The following PXDNL variants were observed in gnomAD, a reference collection of about 807,000 sequenced individuals.
The protein encoded by PXDNL is peroxidasin like.
In PXDNL, 145 loss-of-function variants were observed where a neutral mutation model predicts 150.8. The ratio of observed to expected loss-of-function variants is 0.96; its 90% CI spans 0.84 to 1.10. The LOEUF is 1.10. PXDNL is among the 50% of genes least tolerant of loss of function. The pLI is 0.00. For missense variants in PXDNL, 2,087 were observed against 1,873.9 expected (o/e 1.11, Z -2.10); for synonymous variants, 757 against 725.7 (o/e 1.04, Z -0.69).
chr8:51,676,260 G>C (rs1013693598), intron 1 of PXDNL, among the ~76,000 whole-genome samples: 21 of 151,654 alleles, frequency 1.4e-4, no homozygotes, highest in Non-Finnish European at 2.6e-4. Context: ...CATTTTCTCT[G>C]TGGTTCTCCC....
chr8:51,328,630 G>T (rs7010098), intron 21 of PXDNL, among the ~76,000 whole-genome samples: 1 of 152,056 alleles, frequency 6.6e-6, no homozygotes, highest in Non-Finnish European at 1.5e-5. Flanking sequence ...GTAACTTCCC[G>T]AACTAAAATG....
intron 1 of PXDNL, among the ~76,000 whole-genome samples, chr8:51,667,674 A>G (rs567415469): frequency 1.3e-5 from 2 of 152,334 alleles, no homozygotes; most frequent in African/African-American, 2.4e-5. Flanking sequence ...AGAGAAATCA[A>G]TGTGCCAAGA....
intron 8 of PXDNL, among the ~76,000 whole-genome samples, chr8:51,460,666 G>C: frequency 6.6e-6 from 1 of 151,616 alleles, no homozygotes; most frequent in East Asian, 1.9e-4. Flanking sequence ...GGTGAGTGAA[G>C]GAAACTGCAG....
At chr8:51,541,980 T>C (rs184884529) in intron 4 of PXDNL, among the ~76,000 whole-genome samples, 6 of 152,340 alleles carry the variant, frequency 3.9e-5, no homozygotes, top group Admixed American at 3.9e-4. Context: ...TATAATTCAG[T>C]GAAAACTCTC....
chr8:51,565,344 A>T (rs1426752088), intron 3 of PXDNL, among the ~76,000 whole-genome samples: 4 of 151,400 alleles, frequency 2.6e-5, no homozygotes, highest in Non-Finnish European at 5.9e-5. Context: ...ATAGATAGAT[A>T]AATAAATAAA....
chr8:51,579,743 C>T (rs777181521), intron 3 of PXDNL, among the ~76,000 whole-genome samples: 28 of 152,032 alleles, frequency 1.8e-4, no homozygotes, highest in Middle Eastern at 3.4e-3. Context: ...AATAGGTGAA[C>T]GGTTAAACAA....
At chr8:51,689,075 C>T (rs1815935098) in intron 1 of PXDNL, among the ~76,000 whole-genome samples, 1 of 152,200 alleles carries the variant, frequency 6.6e-6, no homozygotes, top group Non-Finnish European at 1.5e-5. Context: ...AACAGGCGCA[C>T]TCCTGGGGCT....
At chr8:51,613,804 G>C (rs552733680) in intron 2 of PXDNL, among the ~76,000 whole-genome samples, 1 of 152,226 alleles carries the variant, frequency 6.6e-6, no homozygotes, top group South Asian at 2.1e-4. Flanking sequence ...CTTACATCAA[G>C]GGAGCAAGCA....
intron 1 of PXDNL, among the ~76,000 whole-genome samples, chr8:51,761,295 T>A (rs868518303): frequency 1.3e-5 from 2 of 152,082 alleles, no homozygotes; most frequent in South Asian, 2.1e-4. Context: ...TGAAGAACAT[T>A]TCCTAGAAGC....
At chr8:51,424,524 T>TTA (rs59447579) in intron 13 of PXDNL, among the ~76,000 whole-genome samples, 24,220 of 150,252 alleles carry the variant, frequency 0.16, 2,021 homozygotes, top group Middle Eastern at 0.25. Context: ...GATATGTGTA[T>TTA]TATATATATA....
At chr8:51,394,994 G>C (rs1808036020) in intron 17 of PXDNL, among the ~76,000 whole-genome samples, 1 of 152,156 alleles carries the variant, frequency 6.6e-6, no homozygotes, top group South Asian at 2.1e-4. Context: ...AGCACATTCA[G>C]CAACCCCATG....
chr8:51,735,500 T>A (rs995860855), intron 1 of PXDNL, among the ~76,000 whole-genome samples: 31 of 147,670 alleles, frequency 2.1e-4, no homozygotes, highest in Admixed American at 1.2e-3. Flanking sequence ...AATAAATAAA[T>A]AAAATTAATT....
At chr8:51,750,264 C>T (rs2037030890) in intron 1 of PXDNL, among the ~76,000 whole-genome samples, 1 of 152,072 alleles carries the variant, frequency 6.6e-6, no homozygotes, top group African/African-American at 2.4e-5. Context: ...TGCACAAGGT[C>T]AGGATCATCA....
intron 1 of PXDNL, among the ~76,000 whole-genome samples, chr8:51,780,072 G>T (rs142117650): frequency 6.6e-6 from 1 of 152,108 alleles, no homozygotes; most frequent in Non-Finnish European, 1.5e-5. Flanking sequence ...TTAGCTGGGC[G>T]TGATGGCAGG....
intron 2 of PXDNL, among the ~76,000 whole-genome samples, chr8:51,610,827 C>T (rs780123458): frequency 6.6e-6 from 1 of 152,186 alleles, no homozygotes; most frequent in Non-Finnish European, 1.5e-5. Flanking sequence ...TCATGGCATA[C>T]TCTGTTTCTT....
At chr8:51,652,192 G>C (rs1027104267) in intron 2 of PXDNL, among the ~76,000 whole-genome samples, 1 of 151,930 alleles carries the variant, frequency 6.6e-6, no homozygotes, top group Non-Finnish European at 1.5e-5. Context: ...GAGCCATATG[G>C]TCAAAATTTT....
Position 51,620,547 on chromosome 8 carries a change from CT to C in PXDNL, c.237-27850del, listed in dbSNP as rs1222556097. On this transcript the variant is annotated intron_variant, in intron 2 of 22. Transcript: ENST00000356297. Reference sequence around the variant, plus strand: ...CTGAGACTTTCTTACAACTCAATCACTTTTTTTTTTTTTTGAGACAGAGTCT... The same window carrying C: ...CTGAGACTTTCTTACAACTCAATCACTTTTTTTTTTTTTGAGACAGAGTCT... Among the ~76,000 whole-genome samples, 860 of 144,754 alleles carry C rather than the reference CT, an allele frequency of 5.9e-3. 3 individuals carry two copies. The highest frequency in any genetic ancestry group is 9.1e-3 in the Non-Finnish European group (594 of 65,592). The allele number at this position is 144,754 out of a possible 152,430, so 95.0% of individuals were successfully genotyped here.
In PXDNL at chr8:51,408,177, C is replaced by T; in HGVS notation, c.3447G>A (p.Gly1149=). The T allele has an allele frequency of 6.2e-7, 1 of 1,614,026 alleles. No individual in the cohort carries two copies. The highest frequency in any genetic ancestry group is 2.2e-5 in the East Asian group (1 of 44,876). Residue 1149 remains glycine (G), a synonymous_variant, in exon 17 of 23, where the codon GGG becomes GGA. Coordinates refer to ENST00000356297, the MANE Select transcript of PXDNL (RefSeq NM_144651.5). ...ATIIQRGRDH[G]IPPYVDFRVF... ...CTCTGAAGTCAACATATGGTGGGAT[C>T]CCGTGGTCTCTACCCCTTTGAATGA... is the stretch of plus-strand genomic sequence containing the variant.
At chr8:51,652,360 C>T (rs1316879960) in intron 2 of PXDNL, among the ~76,000 whole-genome samples, 2 of 151,320 alleles carry the variant, frequency 1.3e-5, no homozygotes, top group African/African-American at 4.9e-5. Flanking sequence ...CATTGCTTAA[C>T]TCATTTTCTA....
Sources: allele counts gnomAD v4.1 joint callset (sites outside exome capture counted in the v4.1 genomes callset), GRCh38; gene constraint gnomAD v4.1.1; transcripts MANE v1.5; gene names NCBI Gene and HGNC (gene_info 2026-07-23, HGNC 2026-07-21).